FPR2: variants seen among roughly 807,000 people sequenced by gnomAD.
FPR2 encodes N-formyl peptide receptor 2.
A neutral mutation model predicts 4.0 loss-of-function variants in FPR2; 3 were observed. The ratio of observed to expected loss-of-function variants is 0.74; its 90% CI spans 0.34 to 1.92. The LOEUF (loss-of-function observed/expected upper bound fraction) is 1.92, where lower values mean the gene tolerates loss of function less well. FPR2 is among the 30% of genes most tolerant of loss of function. The probability of loss-of-function intolerance (pLI) is 0.07; values close to 1 mark genes in which losing one functional copy is unlikely to be tolerated. For synonymous variants in FPR2, 179 were observed against 171.5 expected, an observed-to-expected ratio of 1.04 and a Z score of -0.34; for missense variants, 372 against 435.7, an observed-to-expected ratio of 0.85 and a Z score of 1.30.
At chr19:51,765,080 G>A (rs191582132) in intron 1 of FPR2, among the ~76,000 whole-genome samples, 270 of 152,328 alleles carry the variant, frequency 1.8e-3, no homozygotes, top group African/African-American at 6.3e-3. Context: ...ACCTGTCTTG[G>A]CCTCCCAAAG....
At chr19:51,762,082 G>A (rs2083841321) in intron 1 of FPR2, among the ~76,000 whole-genome samples, 2 of 139,982 alleles carry the variant, frequency 1.4e-5, no homozygotes, top group South Asian at 4.7e-4. Flanking sequence ...CATTTTATTG[G>A]ACCTTTTTTT....
chr19:51,767,682 C>A (rs2083875567), intron 1 of FPR2, among the ~76,000 whole-genome samples: 1 of 152,118 alleles, frequency 6.6e-6, no homozygotes. Context: ...GTTTAGAAGT[C>A]AGACCATGCC....
intron 1 of FPR2, among the ~76,000 whole-genome samples, chr19:51,762,139 G>T (rs1190598447): frequency 1.4e-5 from 2 of 146,216 alleles, no homozygotes; most frequent in African/African-American, 5.2e-5. Context: ...AGGCTGAAGT[G>T]CAGTGGCGCA....
intron 1 of FPR2, chr19:51,762,933 T>C (rs2083847625): frequency 6.6e-6 from 1 of 152,224 alleles, no homozygotes; most frequent in Non-Finnish European, 1.5e-5. Flanking sequence ...GAAAGATAAG[T>C]TCTAGTTTGG....
intron 1 of FPR2, chr19:51,763,278 A>G (rs531579930): frequency 6.6e-6 from 1 of 152,316 alleles, no homozygotes; most frequent in Admixed American, 6.5e-5. Flanking sequence ...AATACTAGCA[A>G]AGGGGACTGA....
At chr19:51,763,784 C>T (rs1032182674) in intron 1 of FPR2, among the ~76,000 whole-genome samples, 2 of 151,994 alleles carry the variant, frequency 1.3e-5, no homozygotes, top group Admixed American at 6.6e-5. Context: ...GTTTTTGAGA[C>T]GGAGTCACTG....
At chr19:51,764,583 C>T (rs61629683) in intron 1 of FPR2, among the ~76,000 whole-genome samples, 6,649 of 152,162 alleles carry the variant, frequency 0.044, 466 homozygotes, top group African/African-American at 0.15. Flanking sequence ...ACTTTCCTAC[C>T]TGTTACACAA....
chr19:51,769,941 G>T lies in FPR2; in HGVS notation c.*227G>T, dbSNP rs59594213. ...GACTTCTGCCTATACCCTGGGGTAA[G>T]TGGAGTTGGGAAATACAAGAAGAGA... On this transcript the variant is annotated 3_prime_UTR_variant, in exon 2 of 2. Coordinates refer to ENST00000340023, the MANE Select transcript of FPR2 (RefSeq NM_001005738.2). This position sits in a 1 kb window ranked among gnomAD's most constrained non-coding sequence, Gnocchi z 4.4. The T allele has an allele frequency of 1.9e-6, 1 of 529,162 alleles. No homozygotes were observed. The allele number at this position is 529,162 out of a possible 1,614,324, so 32.8% of individuals were successfully genotyped here.
intron 1 of FPR2, 154 bp from the exon 2 acceptor site, chr19:51,768,491 C>A: frequency 1.6e-6 from 1 of 629,374 alleles, no homozygotes. Context: ...CAAGAGAATG[C>A]CAATTCTATA....
intron 1 of FPR2, among the ~76,000 whole-genome samples, chr19:51,761,448 G>A (rs1033683536): frequency 4.6e-5 from 7 of 152,092 alleles, no homozygotes; most frequent in Non-Finnish European, 1.0e-4. Context: ...AATTTATCTC[G>A]TTAATAACTT....
At chr19:51,765,918 T>TAA (rs1322970059) in intron 1 of FPR2, among the ~76,000 whole-genome samples, 1 of 151,598 alleles carries the variant, frequency 6.6e-6, no homozygotes, top group Non-Finnish European at 1.5e-5. Flanking sequence ...GTAGCTGACT[T>TAA]CAGAGCCCAG....
intron 1 of FPR2, among the ~76,000 whole-genome samples, chr19:51,766,109 C>A (rs1041868638): frequency 6.6e-6 from 1 of 152,130 alleles, no homozygotes; most frequent in Admixed American, 6.5e-5. Context: ...TCGGTAGAGA[C>A]GGGGCTTCAC....
At chr19:51,766,897 C>G (rs1222318334) in intron 1 of FPR2, among the ~76,000 whole-genome samples, 1 of 152,178 alleles carries the variant, frequency 6.6e-6, no homozygotes, top group Non-Finnish European at 1.5e-5. Flanking sequence ...TTTACACATA[C>G]AGATTCTAGA....
At position 51,769,553 on chromosome 19, in the gene FPR2, C is replaced by G; in HGVS notation, c.895C>G (p.Pro299Ala). 1 of 1,614,182 alleles carries G rather than the reference C, an allele frequency of 6.2e-7. No individual in the cohort carries two copies. Among genetic ancestry groups the G allele is most frequent in the South Asian group, 1.1e-5 (1 of 91,072 alleles). The part of the protein sequence containing the change: ...SLAFFNSCLN[P>A]MLYVFVGQDF... ...GGCCTTCTTCAACAGCTGCCTCAAC[C>G]CCATGCTTTACGTCTTTGTGGGCCA... The change falls in exon 2 of 2, where the codon CCC (proline) becomes GCC (alanine). Residue 299 changes from proline to alanine, a missense_variant. Pro to Ala is a conservative substitution (Grantham distance 27). Transcript: ENST00000340023. The surrounding 1 kb of genome is among the most constrained non-coding windows in gnomAD (Gnocchi z 4.4).
At position 51,768,973 on chromosome 19, in the gene FPR2, G is replaced by A; in HGVS notation, c.315G>A (p.Val105=). ...TGTGTAAGTTAATTCACATCGTGGT[G>A]GACATCAACCTCTTTGGAAGTGTCT... ...WFLCKLIHIV[V]DINLFGSVFL... is the part of the protein sequence containing the mutation. The change falls in exon 2 of 2, where the codon GTG becomes GTA. Residue 105 remains valine, a synonymous_variant. Transcript: ENST00000340023. 6.2e-7 allele frequency: 1 copy of A among 1,614,180 alleles called. No individual in the cohort carries two copies. The highest frequency in any genetic ancestry group is 1.1e-5 in the South Asian group (1 of 91,084).
Position 51,769,303 on chromosome 19 carries a change from C to A in FPR2, c.645C>A (p.Ser215=). The A allele has an allele frequency of 6.2e-7, 1 of 1,614,202 alleles. No individual in the cohort carries two copies. The highest frequency in any genetic ancestry group is 8.5e-7 in the Non-Finnish European group (1 of 1,180,034). The part of the protein sequence containing the change: ...RFVIGFSLPM[S]IVAICYGLIA... The stretch of plus-strand genomic sequence containing the variant: ...TCATTGGCTTTAGCTTGCCGATGTC[C>A]ATTGTTGCCATCTGCTATGGGCTCA... Residue 215 remains serine (S), a synonymous_variant, in exon 2 of 2, where the codon TCC becomes TCA. Transcript: ENST00000340023. This position sits in a 1 kb window ranked among gnomAD's most constrained non-coding sequence, Gnocchi z 4.4.
intron 1 of FPR2, chr19:51,763,576 G>A (rs887211281): frequency 1.3e-5 from 2 of 152,180 alleles, no homozygotes; most frequent in African/African-American, 4.8e-5. Context: ...GTGAGGCAGG[G>A]AATCAAAGGG....
intron 1 of FPR2, among the ~76,000 whole-genome samples, 174 bp downstream of exon 1, chr19:51,761,404 T>G (rs1179198626): frequency 6.6e-6 from 1 of 152,256 alleles, no homozygotes; most frequent in African/African-American, 2.4e-5. Context: ...ATATACTTAG[T>G]GTAGTTTAAT....
chr19:51,763,922 C>A (rs1343484177), intron 1 of FPR2, among the ~76,000 whole-genome samples: 2 of 152,054 alleles, frequency 1.3e-5, no homozygotes, highest in Non-Finnish European at 1.5e-5. Context: ...TCACGTCCAG[C>A]TAATTTTTGT....
Sources: gnomAD v4.1 joint callset for allele counts (sites outside exome capture counted in the v4.1 genomes callset) on GRCh38, gnomAD v4.1.1 for gene constraint, Gnocchi (gnomAD v3.1) non-coding constraint, MANE v1.5 for transcripts, NCBI Gene and HGNC (gene_info 2026-07-23, HGNC 2026-07-21) for gene names.